The following SYT7 variants were observed in gnomAD, a reference collection of about 807,000 sequenced individuals.
SYT7 encodes synaptotagmin 7, also known as synaptotagmin-7.
Under a neutral mutation model 75.1 loss-of-function variants are expected in SYT7, and 29 were observed. That is an observed-to-expected ratio of 0.39 (90% confidence interval 0.29 to 0.53). SYT7 has a LOEUF of 0.53. Among genes scored for constraint, SYT7 ranks in the 20% least tolerant of loss-of-function variants. SYT7 has a pLI of 0.77. For missense variants in SYT7, 693 were observed against 953.2 expected, an observed-to-expected ratio of 0.73 and a Z score of 3.59; for synonymous variants, 376 against 401.7, an observed-to-expected ratio of 0.94 and a Z score of 0.76.
chr11:61,537,911 C>G (rs1370970752), intron 7 of SYT7, among the ~76,000 whole-genome samples: 1 of 152,206 alleles, frequency 6.6e-6, no homozygotes, highest in Non-Finnish European at 1.5e-5. Context: ...TGCCAGAGAG[C>G]AGGCCTGATC....
chr11:61,571,493 A>G (rs2063919250), intron 1 of SYT7, among the ~76,000 whole-genome samples: 3 of 152,232 alleles, frequency 2.0e-5, no homozygotes, highest in African/African-American at 7.2e-5. Flanking sequence ...TGCAGCACAC[A>G]GCCATGTGGC....
At chr11:61,535,720 C>T (rs930269603) in intron 7 of SYT7, among the ~76,000 whole-genome samples, 1 of 152,188 alleles carries the variant, frequency 6.6e-6, no homozygotes, top group Non-Finnish European at 1.5e-5. Flanking sequence ...ACTCCTCCTC[C>T]CGGGACGCTG....
chr11:61,523,137 T>C lies in SYT7; in HGVS notation c.1894A>G (p.Thr632Ala). The change falls in exon 12 of 13, where the codon ACG becomes GCG. Residue 632 changes from threonine to alanine, a missense_variant. Thr to Ala is a moderately conservative substitution (Grantham distance 58). Around this residue, in one of 2 missense-constraint regions of SYT7, gnomAD observed 206 missense variants for 360.0 expected, o/e 0.57. Transcript: ENST00000539008. This position sits in a 1 kb window ranked among gnomAD's most constrained non-coding sequence, Gnocchi z 5.0. Reference protein sequence around the residue: ...FDIPTEKLRETTIIITVMDKD... With the variant: ...FDIPTEKLREATIIITVMDKD... The stretch of plus-strand genomic sequence containing the variant: ...TCCATGACAGTGATGATGATGGTCG[T>C]CTCCCTCAGCTTCTCCGTGGGGATA... 6.2e-7 allele frequency: 1 copy of C among 1,614,172 alleles called. No homozygotes were observed. The highest frequency in any genetic ancestry group is 1.7e-5 in the Admixed American group (1 of 60,022).
chr11:61,585,936 C>T (rs1356970500), upstream of SYT7, among the ~76,000 whole-genome samples: 1 of 152,170 alleles, frequency 6.6e-6, no homozygotes, highest in African/African-American at 2.4e-5. Context: ...AAGAATTGCT[C>T]CACACAAAGA....
rs1050778903 is a variant in SYT7, at chr11:61,581,046, C to G, written c.-226G>C. On this transcript the variant is annotated 5_prime_UTR_variant, in exon 1 of 13. Coordinates refer to ENST00000539008, the MANE Select transcript of SYT7 (RefSeq NM_001365809.2). ...CCGCCGCCGCCGAACAGCGCCGAGCCGCCTCCCTCCGGCCTGCGCGCCGCG... is the reference window on the plus strand; with the variant it reads ...CCGCCGCCGCCGAACAGCGCCGAGCGGCCTCCCTCCGGCCTGCGCGCCGCG... The G allele has an allele frequency of 1.5e-6, 1 of 675,030 alleles. No individual in the cohort carries two copies. The highest frequency in any genetic ancestry group is 1.8e-6 in the Non-Finnish European group (1 of 548,290). The allele number at this position is 675,030 out of a possible 1,614,324, so 41.8% of individuals were successfully genotyped here.
chr11:61,541,036 T>C (rs2063028017), intron 6 of SYT7: 1 of 985,584 alleles, frequency 1.0e-6, no homozygotes, highest in South Asian at 4.7e-5. Flanking sequence ...CGCACGGGTA[T>C]GGGAAGCTGG....
upstream of SYT7, among the ~76,000 whole-genome samples, chr11:61,581,310 G>T (rs1267731917): frequency 6.7e-6 from 1 of 149,464 alleles, no homozygotes; most frequent in Non-Finnish European, 1.5e-5. Context: ...CGCAGTCCCC[G>T]CGGGGAGGGC....
chr11:61,530,851 A>G, intron 8 of SYT7: 1 of 985,386 alleles, frequency 1.0e-6, no homozygotes, highest in Non-Finnish European at 1.2e-6. Context: ...GCTGGGACAG[A>G]GCCATCTCTG....
upstream of SYT7, among the ~76,000 whole-genome samples, chr11:61,583,793 A>G (rs2064330545): frequency 6.6e-6 from 1 of 152,240 alleles, no homozygotes; most frequent in African/African-American, 2.4e-5. Context: ...ATAGTTGTGC[A>G]AACTGCGGCT....
At chr11:61,535,413 C>T (rs373133473) in intron 7 of SYT7, among the ~76,000 whole-genome samples, 8 of 152,114 alleles carry the variant, frequency 5.3e-5, no homozygotes, top group South Asian at 4.1e-4. Context: ...GGGTGGGCCG[C>T]GGTGGAAACC....
In SYT7 at chr11:61,514,333, T is replaced by C. The variant is rs1590798740; in HGVS notation, c.*4294A>G. 6.6e-6 allele frequency among the ~76,000 whole-genome samples: 1 copy of C among 152,118 alleles called. No individual in the cohort carries two copies. Among genetic ancestry groups the C allele is most frequent in the South Asian group, 2.1e-4 (1 of 4,828 alleles). On this transcript the variant is annotated 3_prime_UTR_variant, in exon 13 of 13. Transcript: ENST00000539008. Reference sequence around the variant, plus strand: ...TCTGGAACAGAGATCAGAAGTGATATCTAAACCAGGTTGTGGGAAATGAGG... The same window carrying C: ...TCTGGAACAGAGATCAGAAGTGATACCTAAACCAGGTTGTGGGAAATGAGG...
intron 6 of SYT7, 125 bp from the exon 7 acceptor site, chr11:61,538,391 G>GAGAGAGAGAGAGAA: frequency 1.8e-6 from 1 of 566,612 alleles, no homozygotes; most frequent in Non-Finnish European, 2.7e-6. Context: ...GAGAGAGAAA[G>GAGAGAGAGAGAGAA]AGAGAGAGAG....
At chr11:61,541,027 G>A (rs2063027347) in intron 6 of SYT7, 5 of 985,542 alleles carry the variant, frequency 5.1e-6, no homozygotes, top group South Asian at 4.7e-5. Flanking sequence ...TGGGCCACTC[G>A]CACGGGTATG....
chr11:61,540,689 T>A, intron 6 of SYT7: 1 of 985,408 alleles, frequency 1.0e-6, no homozygotes, highest in Non-Finnish European at 1.2e-6. Flanking sequence ...CTGGCCCAGT[T>A]TAATGGCTGC....
the SYT7 span, among the ~76,000 whole-genome samples, chr11:61,587,475 C>T: frequency 6.6e-6 from 1 of 152,250 alleles, no homozygotes; most frequent in Admixed American, 6.5e-5. Flanking sequence ...TCTGAGAAGT[C>T]CAGGGTTCAG....
intron 7 of SYT7, among the ~76,000 whole-genome samples, chr11:61,534,192 T>G (rs1322062276): frequency 6.6e-6 from 1 of 152,106 alleles, no homozygotes; most frequent in Admixed American, 6.5e-5. Context: ...AGAACAGCTT[T>G]GAGAGCACAC....
chr11:61,529,836 C>T (rs1231986462), intron 8 of SYT7, among the ~76,000 whole-genome samples: 2 of 152,144 alleles, frequency 1.3e-5, no homozygotes, highest in Non-Finnish European at 1.5e-5. Context: ...GGTTTTGCCA[C>T]GTTGGTCAGG....
At chr11:61,566,794 C>T (rs186208506) in intron 1 of SYT7, among the ~76,000 whole-genome samples, 15 of 152,294 alleles carry the variant, frequency 9.8e-5, no homozygotes, top group Admixed American at 5.2e-4. Context: ...TAATAATACA[C>T]GCTGCAAAGA....
intron 1 of SYT7, among the ~76,000 whole-genome samples, chr11:61,571,251 GCACACA>G (rs888491474): frequency 6.6e-6 from 1 of 152,228 alleles, no homozygotes; most frequent in Non-Finnish European, 1.5e-5. Flanking sequence ...CACATGGGAA[GCACACA>G]CACAGTCATG....
Sources: gnomAD v4.1 joint callset for allele counts (sites outside exome capture counted in the v4.1 genomes callset) on GRCh38, gnomAD v4.1.1 for gene constraint, gnomAD v4.1.1 regional missense constraint, Gnocchi (gnomAD v3.1) non-coding constraint, MANE v1.5 for transcripts, NCBI Gene and HGNC (gene_info 2026-07-23, HGNC 2026-07-21) for gene names.